FOXK2: variants seen among roughly 807,000 people sequenced by gnomAD.
FOXK2 encodes the protein forkhead box K2, also known as forkhead box protein K2.
A neutral mutation model predicts 53.3 loss-of-function variants in FOXK2; 24 were observed. That is an observed-to-expected ratio of 0.45 (90% CI 0.33 to 0.63). The LOEUF is 0.63. FOXK2 is among the 30% of genes least tolerant of loss of function. The pLI, the probability that FOXK2 is intolerant of heterozygous loss-of-function variation, is 0.03. For missense variants in FOXK2, 952 were observed against 910.5 expected, an observed-to-expected ratio of 1.05 and a Z score of -0.59; for synonymous variants, 505 against 407.1, an observed-to-expected ratio of 1.24 and a Z score of -2.89.
chr17:82,560,894 A>C (rs532615776), intron 1 of FOXK2, among the ~76,000 whole-genome samples: 2 of 152,152 alleles, frequency 1.3e-5, no homozygotes, highest in South Asian at 4.2e-4. Context: ...TGTGAGTTCG[A>C]GGCTGCAGTG....
At chr17:82,527,110 A>T (rs941120768) in intron 1 of FOXK2, among the ~76,000 whole-genome samples, 1 of 152,118 alleles carries the variant, frequency 6.6e-6, no homozygotes, top group Non-Finnish European at 1.5e-5. Context: ...AGGAGTTGGC[A>T]TGTGTTGGCA....
intron 1 of FOXK2, among the ~76,000 whole-genome samples, chr17:82,534,393 C>T (rs1207415448): frequency 2.0e-5 from 3 of 152,146 alleles, no homozygotes; most frequent in African/African-American, 7.2e-5. Flanking sequence ...ATAGTTGTTG[C>T]GGCTCTAATA....
chr17:82,522,367 A>AT, intron 1 of FOXK2, among the ~76,000 whole-genome samples: 1 of 142,332 alleles, frequency 7.0e-6, no homozygotes. Flanking sequence ...AGTTTTTTGG[A>AT]ATTTTTTTTT....
At chr17:82,568,282 CACCT>C in intron 3 of FOXK2, 81 bp downstream of exon 3, 13 of 1,517,018 alleles carry the variant, frequency 8.6e-6, no homozygotes, top group Non-Finnish European at 1.2e-5. Context: ...GCCTGTCACT[CACCT>C]GCCTGTCCAG....
chr17:82,564,188 A>G (rs1455230783), intron 2 of FOXK2, among the ~76,000 whole-genome samples: 2 of 150,644 alleles, frequency 1.3e-5, no homozygotes, highest in African/African-American at 2.4e-5. Context: ...CCCAGGTTCA[A>G]GTGATTCTCC....
intron 1 of FOXK2, among the ~76,000 whole-genome samples, chr17:82,556,861 C>G (rs1326171048): frequency 6.6e-6 from 1 of 151,818 alleles, no homozygotes; most frequent in African/African-American, 2.4e-5. Flanking sequence ...TGTCACCACA[C>G]CTGGCTAATT....
At chr17:82,597,893 G>T (rs942626486) in intron 8 of FOXK2, among the ~76,000 whole-genome samples, 3 of 152,048 alleles carry the variant, frequency 2.0e-5, no homozygotes, top group African/African-American at 7.2e-5. Context: ...CAGGTGATCC[G>T]CCCACCTTGA....
chr17:82,521,935 CAAA>C (rs55776373), intron 1 of FOXK2, among the ~76,000 whole-genome samples: 1 of 119,670 alleles, frequency 8.4e-6, no homozygotes. Flanking sequence ...GACTCCGCCT[CAAA>C]AAAAAAAAAG....
intron 1 of FOXK2, among the ~76,000 whole-genome samples, chr17:82,537,288 A>G (rs1163765752): frequency 1.3e-5 from 2 of 152,216 alleles, no homozygotes; most frequent in South Asian, 2.1e-4. Context: ...ATATTATTAA[A>G]TTTAAAAATA....
At chr17:82,558,097 C>T (rs1169156252) in intron 1 of FOXK2, among the ~76,000 whole-genome samples, 2 of 152,050 alleles carry the variant, frequency 1.3e-5, no homozygotes, top group Admixed American at 1.3e-4. Context: ...CTTTGGGAGG[C>T]CAAGACGGGA....
Position 82,604,016 on chromosome 17 carries a change from C to CT in FOXK2, c.*2518dup, listed in dbSNP as rs1169794064. ...GAGCACAGCAAGGGTTGCTGAGCTG[C>CT]TGTCGCCGCAGCCCTGGCCCCTGGT... On this transcript the variant is annotated 3_prime_UTR_variant, in exon 9 of 9. Transcript: ENST00000335255. The CT allele has an allele frequency of 2.0e-5, 3 of 152,234 alleles. No individual in the cohort carries two copies. The highest frequency in any genetic ancestry group is 2.9e-5 in the Non-Finnish European group (2 of 68,046). The allele number at this position is 152,234 out of a possible 1,614,324, so 9.4% of individuals were successfully genotyped here.
At chr17:82,571,655 A>C (rs1401064680) in intron 3 of FOXK2, 69 bp from the exon 4 acceptor site, 2 of 1,398,854 alleles carry the variant, frequency 1.4e-6, no homozygotes, top group Non-Finnish European at 1.9e-6. Context: ...GAGAATCTTT[A>C]AATCTAGTAA....
intron 6 of FOXK2, among the ~76,000 whole-genome samples, chr17:82,585,024 CTGCCGGGCCAGA>C (rs2045116475): frequency 6.6e-6 from 1 of 152,270 alleles, no homozygotes; most frequent in Non-Finnish European, 1.5e-5. Flanking sequence ...ATTCCTGGCC[CTGCCGGGCCAGA>C]GAACAGCCCT....
At chr17:82,585,867 T>C in intron 6 of FOXK2, 37 bp from the exon 7 acceptor site, 2 of 1,582,694 alleles carry the variant, frequency 1.3e-6, no homozygotes, top group South Asian at 1.1e-5. Flanking sequence ...TAGAAGTCAG[T>C]ATCTGTAAGT....
At chr17:82,559,692 G>T (rs1329196055) in intron 1 of FOXK2, among the ~76,000 whole-genome samples, 1 of 119,922 alleles carries the variant, frequency 8.3e-6, no homozygotes, top group East Asian at 2.4e-4. Context: ...CTTGTTTGCA[G>T]ACTCTAGAAG....
intron 8 of FOXK2, chr17:82,596,100 A>AGGCCACACCAGC: frequency 5.8e-6 from 6 of 1,039,942 alleles, no homozygotes; most frequent in South Asian, 3.0e-5. Flanking sequence ...GAGTCGGTTG[A>AGGCCACACCAGC]GGCCACACCT....
intron 5 of FOXK2, 102 bp downstream of exon 5, chr17:82,583,036 C>A: frequency 1.2e-6 from 1 of 814,988 alleles, no homozygotes; most frequent in Non-Finnish European, 1.8e-6. Flanking sequence ...CTACTAAATG[C>A]ATTATGATTA....
At chr17:82,555,885 CAAAAAAAA>C (rs71168116) in intron 1 of FOXK2, among the ~76,000 whole-genome samples, 3 of 74,214 alleles carry the variant, frequency 4.0e-5, no homozygotes, top group African/African-American at 1.1e-4. Flanking sequence ...GACTCTATCA[CAAAAAAAA>C]AAAAAAAAAA....
chr17:82,554,149 A>G (rs1041572653), intron 1 of FOXK2, among the ~76,000 whole-genome samples: 2 of 152,078 alleles, frequency 1.3e-5, no homozygotes, highest in African/African-American at 4.8e-5. Flanking sequence ...CTTTTTTGAA[A>G]CTGGTTGTAG....
Sources: gnomAD v4.1 joint callset for allele counts (sites outside exome capture counted in the v4.1 genomes callset) on GRCh38, gnomAD v4.1.1 for gene constraint, MANE v1.5 for transcripts, NCBI Gene and HGNC (gene_info 2026-07-23, HGNC 2026-07-21) for gene names.